The following FAM78A variants were observed in gnomAD, a reference collection of about 807,000 sequenced individuals.
FAM78A encodes family with sequence similarity 78 member A, also known as protein FAM78A.
Under a neutral mutation model 22.6 loss-of-function variants are expected in FAM78A, and 12 were observed. The observed-to-expected ratio is 0.53, with a 90% CI of 0.34 to 0.86. FAM78A has a LOEUF of 0.86. FAM78A is among the 40% of genes least tolerant of loss of function. The pLI, the probability that FAM78A is intolerant of heterozygous loss-of-function variation, is 0.02. For missense variants in FAM78A, 322 were observed against 396.1 expected (o/e 0.81, Z 1.59); for synonymous variants, 151 against 155.8 (o/e 0.97, Z 0.23).
chr9:131,268,134 AG>A (rs1424693553), intron 1 of FAM78A, among the ~76,000 whole-genome samples: 1 of 151,930 alleles, frequency 6.6e-6, no homozygotes, highest in African/African-American at 2.4e-5. Context: ...TCCTGGTTTC[AG>A]TCCCTCACAC....
intron 1 of FAM78A, among the ~76,000 whole-genome samples, chr9:131,268,736 C>CA (rs564957625): frequency 2.8e-4 from 43 of 151,688 alleles, no homozygotes; most frequent in Middle Eastern, 6.8e-3. Context: ...ACTAAAAATA[C>CA]AAAAAAATTA....
At chr9:131,271,603 C>A (rs997731423) in intron 1 of FAM78A, among the ~76,000 whole-genome samples, 6 of 152,242 alleles carry the variant, frequency 3.9e-5, no homozygotes, top group Non-Finnish European at 8.8e-5. Context: ...CCCATCCACC[C>A]AAAGAAACCC....
rs935598050 is a variant in FAM78A, at chr9:131,276,330, T to G, written c.-151A>C. The G allele has an allele frequency of 1.6e-6, 1 of 607,770 alleles. No homozygotes were observed. Among genetic ancestry groups the G allele is most frequent in the Admixed American group, 3.1e-5 (1 of 32,068 alleles). The allele number at this position is 607,770 out of a possible 1,614,324, so 37.6% of individuals were successfully genotyped here. On this transcript the variant is annotated 5_prime_UTR_variant, in exon 1 of 2. Transcript: ENST00000372271. This position sits in a 1 kb window ranked among gnomAD's most constrained non-coding sequence, Gnocchi z 4.3. ...GCCTGTTTATAAATAAGGATTCTGCTGCATTTCATGAGCCCTGGGCTCTCT... is the reference window on the plus strand; with the variant it reads ...GCCTGTTTATAAATAAGGATTCTGCGGCATTTCATGAGCCCTGGGCTCTCT...
intron 1 of FAM78A, chr9:131,270,402 A>G (rs915751155): frequency 1.1e-5 from 8 of 717,454 alleles, no homozygotes; most frequent in Non-Finnish European, 2.1e-5. Flanking sequence ...AAAACAAAGG[A>G]TATCAGTATG....
chr9:131,278,073 C>T (rs1431513038), upstream of FAM78A, among the ~76,000 whole-genome samples: 1 of 148,340 alleles, frequency 6.7e-6, no homozygotes, highest in Non-Finnish European at 1.5e-5. Context: ...GCGGGCGCCG[C>T]CTCCTCCTCC....
chr9:131,279,744 T>C (rs546932528), upstream of FAM78A, among the ~76,000 whole-genome samples: 8 of 152,338 alleles, frequency 5.3e-5, no homozygotes, highest in African/African-American at 1.9e-4. Context: ...GCACCCACTG[T>C]GTGTCAGGCG....
rs780437337 is a variant in FAM78A at position 131,261,050 on chromosome 9, C to T, written c.624G>A (p.Thr208=). 4 of 1,614,012 alleles carry T rather than the reference C, an allele frequency of 2.5e-6. No homozygotes were observed. In the Admixed American group the frequency reaches 5.0e-5, roughly 20 times the overall value. The change falls in exon 2 of 2, where the codon ACG becomes ACA. Residue 208 remains threonine (T), a synonymous_variant. Coordinates refer to ENST00000372271, the MANE Select transcript of FAM78A (RefSeq NM_033387.4). The surrounding 1 kb of genome is among the most constrained non-coding windows in gnomAD (Gnocchi z 7.1). Reference sequence around the variant, plus strand: ...TGCTGAGCTGCATGCGCCAGTGCAGCGTCTGCAGGATGATCATGTCGTTGG... The same window carrying T: ...TGCTGAGCTGCATGCGCCAGTGCAGTGTCTGCAGGATGATCATGTCGTTGG... ...TSTNDMIILQ[T]LHWRMQLSIE...
upstream of FAM78A, among the ~76,000 whole-genome samples, chr9:131,277,336 C>T (rs913091144): frequency 1.3e-5 from 2 of 151,930 alleles, no homozygotes; most frequent in Non-Finnish European, 2.9e-5. This position sits in a 1 kb window ranked among gnomAD's most constrained non-coding sequence, Gnocchi z 8.4. Context: ...GCAGGGCCAC[C>T]CACCAGTGCC....
Position 131,260,687 on chromosome 9 carries a change from C to G in FAM78A, c.*135G>C. On this transcript the variant is annotated 3_prime_UTR_variant, in exon 2 of 2. Transcript: ENST00000372271. The surrounding 1 kb of genome is among the most constrained non-coding windows in gnomAD (Gnocchi z 5.4). The stretch of plus-strand genomic sequence containing the variant: ...AGAGCCGGGGAGGCCTTCCCGGGGG[C>G]ATCAGCACAGTGAGATCCGCCCGCT... 1 of 1,134,876 alleles carries G rather than the reference C, an allele frequency of 8.8e-7. No individual in the cohort carries two copies. The highest frequency in any genetic ancestry group is 1.8e-5 in the South Asian group (1 of 55,866). 70.3% of individuals were successfully genotyped at this position (1,134,876 alleles called of 1,614,324 possible). A position where few individuals can be genotyped will look rare whatever the true frequency, so the allele number is the denominator to read the frequency against.
At chr9:131,269,291 T>G (rs1278537039) in intron 1 of FAM78A, among the ~76,000 whole-genome samples, 1 of 152,180 alleles carries the variant, frequency 6.6e-6, no homozygotes, top group African/African-American at 2.4e-5. Context: ...ACCCTACATA[T>G]TGTTTGATAA....
At chr9:131,271,818 CTG>C in intron 1 of FAM78A, among the ~76,000 whole-genome samples, 1 of 152,154 alleles carries the variant, frequency 6.6e-6, no homozygotes, top group South Asian at 2.1e-4. Flanking sequence ...TTAGAAGACT[CTG>C]TGCCAGCTGA....
In FAM78A at chr9:131,261,452, G is replaced by A. The variant is rs1014805550; in HGVS notation, c.324-102C>T. 33 of 1,174,484 alleles carry A rather than the reference G, an allele frequency of 2.8e-5. No individual in the cohort carries two copies. In the Admixed American group the frequency reaches 3.8e-4, roughly 13 times the overall value. 72.8% of individuals were successfully genotyped at this position (1,174,484 alleles called of 1,614,324 possible). A position where few individuals can be genotyped will look rare whatever the true frequency, so the allele number is the denominator to read the frequency against. On this transcript the variant is annotated intron_variant, in intron 1 of 1. Coordinates refer to ENST00000372271, the MANE Select transcript of FAM78A (RefSeq NM_033387.4). This position sits in a 1 kb window ranked among gnomAD's most constrained non-coding sequence, Gnocchi z 7.1. Reference sequence around the variant, plus strand: ...CTGTCCTGGGCCCTGAGGATGGAACGGACCCAGCAGACCACCCGGTCCCCT... The same window carrying A: ...CTGTCCTGGGCCCTGAGGATGGAACAGACCCAGCAGACCACCCGGTCCCCT...
Position 131,273,265 on chromosome 9 carries a change from G to A in FAM78A, c.323+2592C>T, listed in dbSNP as rs561075167. On this transcript the variant is annotated intron_variant, in intron 1 of 1. Coordinates refer to ENST00000372271, the MANE Select transcript of FAM78A (RefSeq NM_033387.4). ...GACGGACACCAAACGGAACCCCGGG[G>A]GCTGCCTGGCCAAGGCCTAGGAGCC... Among the ~76,000 whole-genome samples the A allele has an allele frequency of 2.6e-5, 4 of 152,340 alleles. No individual in the cohort carries two copies. In the East Asian group the frequency reaches 5.8e-4, roughly 22 times the overall value.
chr9:131,280,652 A>G (rs1835533922), upstream of FAM78A, among the ~76,000 whole-genome samples: 1 of 152,202 alleles, frequency 6.6e-6, no homozygotes, highest in Non-Finnish European at 1.5e-5. Context: ...AAGGTCCTCA[A>G]TTCCTGGCAC....
upstream of FAM78A, among the ~76,000 whole-genome samples, chr9:131,276,725 G>A (rs1000377806): frequency 7.3e-5 from 11 of 151,646 alleles, no homozygotes; most frequent in Admixed American, 3.3e-4. The surrounding 1 kb of genome is among the most constrained non-coding windows in gnomAD (Gnocchi z 4.3). Flanking sequence ...GGCGAGCGCC[G>A]ACCCGCGGCT....
At chr9:131,263,341 T>C (rs1588196901) in intron 1 of FAM78A, 2 of 152,224 alleles carry the variant, frequency 1.3e-5, no homozygotes, top group South Asian at 2.0e-4. Context: ...TGTACACTTA[T>C]GAATGATTAA....
In FAM78A at chr9:131,275,988, G is replaced by A; in HGVS notation, c.192C>T (p.Tyr64=). ...CCGAGGCCCGGAAGTGGGGTGTCCG[G>A]TAGCGGAGCACCACGCTGGAGGACT... ...IDESSSVVLR[Y]RTPHFRASAQ... is the part of the protein sequence containing the mutation. Residue 64 remains tyrosine (Y), a synonymous_variant, in exon 1 of 2, where the codon TAC becomes TAT. Coordinates refer to ENST00000372271, the MANE Select transcript of FAM78A (RefSeq NM_033387.4). This position sits in a 1 kb window ranked among gnomAD's most constrained non-coding sequence, Gnocchi z 4.6. The A allele has an allele frequency of 6.2e-7, 1 of 1,613,650 alleles. No homozygotes were observed. Among genetic ancestry groups the A allele is most frequent in the Non-Finnish European group, 8.5e-7 (1 of 1,180,032 alleles).
At position 131,260,615 on chromosome 9, in the gene FAM78A, T is replaced by C; in HGVS notation, c.*207A>G. 1 of 501,784 alleles carries C rather than the reference T, an allele frequency of 2.0e-6. No individual in the cohort carries two copies. The highest frequency in any genetic ancestry group is 3.4e-6 in the Non-Finnish European group (1 of 295,696). The allele number at this position is 501,784 out of a possible 1,614,324, so 31.1% of individuals were successfully genotyped here. ...ACCCTGAGGGCGCACGTGGGGTCTG[T>C]CTGTCCTGCTTAGATCTCCCCTCTC... is the stretch of plus-strand genomic sequence containing the variant. On this transcript the variant is annotated 3_prime_UTR_variant, in exon 2 of 2. Coordinates refer to ENST00000372271, the MANE Select transcript of FAM78A (RefSeq NM_033387.4). This position sits in a 1 kb window ranked among gnomAD's most constrained non-coding sequence, Gnocchi z 5.4.
chr9:131,266,625 C>T (rs1255267695), intron 1 of FAM78A, among the ~76,000 whole-genome samples: 1 of 152,238 alleles, frequency 6.6e-6, no homozygotes, highest in African/African-American at 2.4e-5. Context: ...GGCCAGGTGC[C>T]TCCTGCTATT....
Sources: allele counts gnomAD v4.1 joint callset (sites outside exome capture counted in the v4.1 genomes callset), GRCh38; gene constraint gnomAD v4.1.1; non-coding constraint Gnocchi (gnomAD v3.1); transcripts MANE v1.5; gene names NCBI Gene and HGNC (gene_info 2026-07-23, HGNC 2026-07-21).